TNFSF4: variants seen among roughly 807,000 people sequenced by gnomAD.
TNFSF4 encodes the protein TNF superfamily member 4.
In TNFSF4, 4 loss-of-function variants were observed where a neutral mutation model predicts 7.3. The ratio of observed to expected loss-of-function variants is 0.55; its 90% CI spans 0.27 to 1.25. The LOEUF (loss-of-function observed/expected upper bound fraction) is 1.25, where lower values mean the gene tolerates loss of function less well. Ranked by LOEUF, TNFSF4 falls within the 50% of genes most tolerant of loss-of-function variation. The probability of loss-of-function intolerance (pLI) is 0.12; values close to 1 mark genes in which losing one functional copy is unlikely to be tolerated. For synonymous variants in TNFSF4, 76 were observed against 83.7 expected (o/e 0.91, Z 0.50); for missense variants, 181 against 208.8 (o/e 0.87, Z 0.82).
At chr1:173,333,313 G>C in the TNFSF4 span, among the ~76,000 whole-genome samples, 3 of 59,880 alleles carry the variant, frequency 5.0e-5, no homozygotes, top group Admixed American at 2.4e-4. Context: ...CATCCAATCA[G>C]CTGAAGGCCT....
At chr1:173,301,488 G>A in the TNFSF4 span, among the ~76,000 whole-genome samples, 2 of 151,786 alleles carry the variant, frequency 1.3e-5, no homozygotes, top group Non-Finnish European at 2.9e-5. Flanking sequence ...TGGCACATAA[G>A]AGCAAATCAA....
chr1:173,173,199 T>C, the TNFSF4 span, among the ~76,000 whole-genome samples: 58 of 152,320 alleles, frequency 3.8e-4, 1 homozygote, highest in African/African-American at 1.3e-3. Context: ...TATATCATTC[T>C]ACCCCTGGTC....
At chr1:173,288,333 G>A in the TNFSF4 span, among the ~76,000 whole-genome samples, 2 of 152,118 alleles carry the variant, frequency 1.3e-5, no homozygotes, top group South Asian at 4.1e-4. Flanking sequence ...TTACTTGGGG[G>A]GCTGAAGCGG....
chr1:173,236,743 A>G, the TNFSF4 span, among the ~76,000 whole-genome samples: 3 of 152,192 alleles, frequency 2.0e-5, no homozygotes, highest in Non-Finnish European at 2.9e-5. Flanking sequence ...ACAAAAAACT[A>G]AACACCAGAT....
Position 173,186,672 on chromosome 1 carries a change from G to A in TNFSF4, c.396C>T (p.Val132=). 6.2e-7 allele frequency: 1 copy of A among 1,614,170 alleles called. No individual in the cohort carries two copies. The highest frequency in any genetic ancestry group is 8.5e-7 in the Non-Finnish European group (1 of 1,180,014). Residue 132 remains valine (V), a synonymous_variant, in exon 3 of 3, where the codon GTC becomes GTT. Transcript: ENST00000281834. ...CCACCATCAAGGAGTTGACAGACCT[G>A]ACCTTCTTCAGTTGGAAGAGGGGCT... ...DEEPLFQLKK[V]RSVNSLMVAS...
At chr1:173,440,783 A>G in the TNFSF4 span, 4 of 152,202 alleles carry the variant, frequency 2.6e-5, no homozygotes, top group African/African-American at 9.6e-5. Context: ...ATAAGATGCA[A>G]TATCTAGACA....
the TNFSF4 span, among the ~76,000 whole-genome samples, chr1:173,404,434 T>G: frequency 1.3e-5 from 2 of 152,130 alleles, no homozygotes; most frequent in Non-Finnish European, 2.9e-5. Context: ...AAATAACTAT[T>G]TTTTTAGAAC....
At chr1:173,205,279 T>C (rs1208473977) in intron 1 of TNFSF4, 4 of 1,611,014 alleles carry the variant, frequency 2.5e-6, no homozygotes, top group Non-Finnish European at 2.5e-6. Flanking sequence ...GCCAGGACTA[T>C]AGAAGCTAAT....
chr1:173,356,257 G>T, the TNFSF4 span, among the ~76,000 whole-genome samples: 1 of 152,148 alleles, frequency 6.6e-6, no homozygotes, highest in Non-Finnish European at 1.5e-5. Context: ...GATCTCAGAA[G>T]AGGCATCTTC....
At chr1:173,221,258 G>A in the TNFSF4 span, among the ~76,000 whole-genome samples, 3 of 152,270 alleles carry the variant, frequency 2.0e-5, no homozygotes, top group Non-Finnish European at 2.9e-5. Flanking sequence ...TGAATTTTAC[G>A]GAAAGCCATT....
At chr1:173,420,399 A>C in the TNFSF4 span, among the ~76,000 whole-genome samples, 1 of 152,188 alleles carries the variant, frequency 6.6e-6, no homozygotes, top group Non-Finnish European at 1.5e-5. Context: ...AACTGAGGGA[A>C]AGGACACAGT....
the TNFSF4 span, among the ~76,000 whole-genome samples, chr1:173,317,971 T>C: frequency 6.6e-6 from 1 of 152,122 alleles, no homozygotes; most frequent in African/African-American, 2.4e-5. Flanking sequence ...GTCATCAGGA[T>C]AGAACAAATG....
At chr1:173,306,598 C>G in the TNFSF4 span, among the ~76,000 whole-genome samples, 2 of 151,844 alleles carry the variant, frequency 1.3e-5, no homozygotes, top group Non-Finnish European at 2.9e-5. Context: ...ACTAGGAACA[C>G]TTCCTACACT....
At position 173,186,736 on chromosome 1, in the gene TNFSF4, T is replaced by C. The variant is rs1235371056; in HGVS notation, c.332A>G (p.Gln111Arg). The C allele has an allele frequency of 1.2e-6, 2 of 1,614,056 alleles. No homozygotes were observed. Among genetic ancestry groups the C allele is most frequent in the Non-Finnish European group, 8.5e-7 (1 of 1,180,026 alleles). ...YLISLKGYFS[Q>R]EVNISLHYQK... ...GTAATGAAGGCTAATGTTGACTTCC[T>C]GGGAGAAGTAGCCCTTCAGGGAGAT... Residue 111 changes from glutamine (Q) to arginine (R), a missense_variant, in exon 3 of 3, where the codon CAG becomes CGG. Transcript: ENST00000281834.
At chr1:173,214,141 C>T in the TNFSF4 span, among the ~76,000 whole-genome samples, 1 of 152,150 alleles carries the variant, frequency 6.6e-6, no homozygotes, top group Non-Finnish European at 1.5e-5. Context: ...TGTTTATTGT[C>T]CTGTCTGAAA....
chr1:173,402,812 T>C, the TNFSF4 span, among the ~76,000 whole-genome samples: 4 of 152,088 alleles, frequency 2.6e-5, no homozygotes, highest in Middle Eastern at 0.01. Context: ...ATACCCAGAG[T>C]TTCTGATTCA....
the TNFSF4 span, among the ~76,000 whole-genome samples, chr1:173,304,978 G>A: frequency 1.3e-5 from 2 of 151,946 alleles, no homozygotes; most frequent in Non-Finnish European, 2.9e-5. Context: ...GGGTCTAGCT[G>A]CAAACCCAGA....
chr1:173,282,223 A>C, the TNFSF4 span, among the ~76,000 whole-genome samples: 1 of 152,302 alleles, frequency 6.6e-6, no homozygotes, highest in African/African-American at 2.4e-5. Flanking sequence ...AGAAACGATA[A>C]ATGTTTGAGG....
chr1:173,259,607 A>G, the TNFSF4 span, among the ~76,000 whole-genome samples: 1 of 152,208 alleles, frequency 6.6e-6, no homozygotes, highest in African/African-American at 2.4e-5. Context: ...ATAAAACAAT[A>G]TGGGAGATGA....
Sources: gnomAD v4.1 joint callset for allele counts (sites outside exome capture counted in the v4.1 genomes callset) on GRCh38, gnomAD v4.1.1 for gene constraint, MANE v1.5 for transcripts, NCBI Gene and HGNC (gene_info 2026-07-23, HGNC 2026-07-21) for gene names.